Variants in ICE1 observed in about 807,000 individuals in gnomAD.
ICE1 encodes little elongation complex subunit 1.
A neutral mutation model predicts 192.7 loss-of-function variants in ICE1; 64 were observed. That is an observed-to-expected ratio of 0.33 (90% CI 0.27 to 0.41). The LOEUF (loss-of-function observed/expected upper bound fraction) is 0.41, where lower values mean the gene tolerates loss of function less well. Ranked by LOEUF, ICE1 falls within the 10% of genes least tolerant of loss-of-function variation. ICE1 has a pLI of 1.00. For missense variants in ICE1, 2,708 were observed against 2,696.0 expected (o/e 1.00, Z -0.10); for synonymous variants, 1,010 against 984.5 (o/e 1.03, Z -0.49).
At chr5:5,452,849 T>C (rs1738465565) in intron 10 of ICE1, among the ~76,000 whole-genome samples, 3 of 152,188 alleles carry the variant, frequency 2.0e-5, no homozygotes, top group Non-Finnish European at 4.4e-5. Flanking sequence ...AGTCCTTAAA[T>C]ATTCATACAT....
chr5:5,440,341 C>T (rs1738003952), intron 4 of ICE1, among the ~76,000 whole-genome samples: 1 of 152,148 alleles, frequency 6.6e-6, no homozygotes, highest in Non-Finnish European at 1.5e-5. Flanking sequence ...GAAGGCGAAA[C>T]GTGGTTATAA....
In ICE1 at chr5:5,457,692, C is replaced by A; in HGVS notation, c.1052C>A (p.Pro351His). 1.2e-6 allele frequency: 2 copies of A among 1,613,874 alleles called. No homozygotes were observed. Among genetic ancestry groups the A allele is most frequent in the African/African-American group, 1.3e-5 (1 of 75,044 alleles). Residue 351 changes from proline to histidine, a missense_variant, in exon 12 of 19, where the codon CCT becomes CAT. Physicochemically the swap from Pro to His is moderately conservative, Grantham distance 77. Around this residue, in one of 2 missense-constraint regions of ICE1, gnomAD observed 2,366 missense variants for 2,276.6 expected, o/e 1.04. Coordinates refer to ENST00000296564, the MANE Select transcript of ICE1 (RefSeq NM_015325.3). ...PPLLSPVPSP[P>H]PMSSPHPGSL... ...CTTCTGTCACCAGTGCCCTCGCCCC[C>A]TCCGATGTCATCACCTCACCCGGGT... is the stretch of plus-strand genomic sequence containing the variant.
chr5:5,451,168 C>A (rs1385057235), intron 10 of ICE1, among the ~76,000 whole-genome samples: 2 of 152,118 alleles, frequency 1.3e-5, no homozygotes, highest in Admixed American at 6.5e-5. Flanking sequence ...ACACAAAAAA[C>A]CTCTCTTTGG....
At chr5:5,435,196 T>C (rs537296790) in intron 1 of ICE1, among the ~76,000 whole-genome samples, 1 of 152,304 alleles carries the variant, frequency 6.6e-6, no homozygotes, top group Non-Finnish European at 1.5e-5. Context: ...GTTCTGAAAG[T>C]TGAAAGTTAA....
At chr5:5,447,647 C>T (rs548710763) in intron 8 of ICE1, 74 bp from the exon 9 acceptor site, 4 of 1,432,524 alleles carry the variant, frequency 2.8e-6, no homozygotes, top group Non-Finnish European at 3.8e-6. Flanking sequence ...TTAAGTTGCA[C>T]CTGTTTTACA....
chr5:5,427,366 C>CT (rs1240585310), intron 1 of ICE1, among the ~76,000 whole-genome samples: 1 of 152,138 alleles, frequency 6.6e-6, no homozygotes, highest in Admixed American at 6.5e-5. Context: ...TAAGTAAAGT[C>CT]TTAAGTTGTG....
chr5:5,452,183 T>C, intron 10 of ICE1, among the ~76,000 whole-genome samples: 1 of 149,206 alleles, frequency 6.7e-6, no homozygotes, highest in South Asian at 2.1e-4. Context: ...TTTTTTTTTT[T>C]TGTACTGGAG....
chr5:5,469,061 ATTTAG>A, intron 15 of ICE1, 73 bp downstream of exon 15: 1 of 1,087,648 alleles, frequency 9.2e-7, no homozygotes, highest in Non-Finnish European at 1.2e-6. Flanking sequence ...TTTGTTGTGT[ATTTAG>A]TTTTATATTA....
rs1738765426 is a variant in ICE1 at position 5,461,229 on chromosome 5, C to T, written c.1895C>T (p.Ser632Phe). 2.5e-6 allele frequency: 4 copies of T among 1,613,830 alleles called. No individual in the cohort carries two copies. The highest frequency in any genetic ancestry group is 3.4e-6 in the Non-Finnish European group (4 of 1,179,888). Residue 632 changes from serine (S) to phenylalanine (F), a missense_variant, in exon 13 of 19, where the codon TCC becomes TTC. Ser to Phe is a radical substitution (Grantham distance 155). Coordinates refer to ENST00000296564, the MANE Select transcript of ICE1 (RefSeq NM_015325.3). ...CTTGACATTGAAACCAGTTTTTCTT[C>T]CTCTTCTACCTTGGTAGCATTGTCT... ...AGLDIETSFS[S>F]SSTLVALSVG...
Position 5,447,523 on chromosome 5 carries a change from G to A in ICE1, c.507+14G>A, listed in dbSNP as rs1245758057. 1 of 1,532,860 alleles carries A rather than the reference G, an allele frequency of 6.5e-7. No individual in the cohort carries two copies. The highest frequency in any genetic ancestry group is 8.8e-7 in the Non-Finnish European group (1 of 1,130,612). The allele number at this position is 1,532,860 out of a possible 1,614,324, so 95.0% of individuals were successfully genotyped here. On this transcript the variant is annotated intron_variant, in intron 8 of 18. Coordinates refer to ENST00000296564, the MANE Select transcript of ICE1 (RefSeq NM_015325.3). The stretch of plus-strand genomic sequence containing the variant: ...AAGAAGACACAGGTACTAGATAAAA[G>A]CAGCATACACACACCTTAAATACGT...
intron 5 of ICE1, among the ~76,000 whole-genome samples, chr5:5,441,522 A>G (rs143368979): frequency 1.2e-3 from 177 of 152,294 alleles, no homozygotes; most frequent in African/African-American, 4.0e-3. Context: ...TGATTTTTAT[A>G]CCTTTGTTTT....
intron 16 of ICE1, among the ~76,000 whole-genome samples, chr5:5,474,102 C>T (rs1302665931): frequency 9.9e-5 from 15 of 151,228 alleles, no homozygotes; most frequent in Admixed American, 7.3e-4. Context: ...CCCAGTTACT[C>T]GGGAGGCTGA....
chr5:5,438,463 T>A (rs1737943906), intron 3 of ICE1, among the ~76,000 whole-genome samples: 1 of 152,172 alleles, frequency 6.6e-6, no homozygotes, highest in Non-Finnish European at 1.5e-5. Flanking sequence ...ATTGGAAATC[T>A]TCTTATGTGC....
intron 3 of ICE1, chr5:5,437,729 T>A (rs1287159984): frequency 6.6e-6 from 1 of 152,428 alleles, no homozygotes; most frequent in Non-Finnish European, 1.5e-5. Context: ...GGGAAAAAGA[T>A]GTGTATAATT....
intron 15 of ICE1, among the ~76,000 whole-genome samples, chr5:5,472,745 A>G (rs1383196389): frequency 6.6e-6 from 1 of 152,162 alleles, no homozygotes; most frequent in Admixed American, 6.5e-5. Flanking sequence ...CTTTTCTTGT[A>G]TTAAGTATAT....
intron 15 of ICE1, among the ~76,000 whole-genome samples, chr5:5,469,944 CTCCAGAGGGCTGCCAGCT>C (rs1232421742): frequency 1.3e-5 from 2 of 152,158 alleles, no homozygotes; most frequent in Admixed American, 1.3e-4. Flanking sequence ...TATATATCTG[CTCCAGAGGGCTGCCAGCT>C]TCCGGAGAGT....
intron 1 of ICE1, among the ~76,000 whole-genome samples, chr5:5,434,778 T>C (rs573074942): frequency 1.3e-3 from 194 of 152,316 alleles, no homozygotes; most frequent in Admixed American, 1.9e-3. Flanking sequence ...CTACCACCCA[T>C]AGTATGAATT....
At chr5:5,452,910 C>T (rs762584342) in intron 10 of ICE1, among the ~76,000 whole-genome samples, 25 of 152,058 alleles carry the variant, frequency 1.6e-4, no homozygotes, top group Non-Finnish European at 3.1e-4. Context: ...GAAAGTTGTG[C>T]AATTCACTTG....
In ICE1 at chr5:5,464,548, C is replaced by T. The variant is rs375655407; in HGVS notation, c.5214C>T (p.His1738=). 27 of 1,613,582 alleles carry T rather than the reference C, an allele frequency of 1.7e-5. No homozygotes were observed. The highest frequency in any genetic ancestry group is 5.0e-5 in the Admixed American group (3 of 59,956). ...GACTCCCACCCTGTGCATCTGGCCA[C>T]GCTGCTGTGGGAGGGCCTCAGGAGA... ...PGRLPPCASG[H]AAVGGPQENS... Residue 1738 remains histidine (H), a synonymous_variant, in exon 13 of 19, where the codon CAC becomes CAT. Coordinates refer to ENST00000296564, the MANE Select transcript of ICE1 (RefSeq NM_015325.3). This position sits in a 1 kb window ranked among gnomAD's most constrained non-coding sequence, Gnocchi z 4.0.
Sources: allele counts gnomAD v4.1 joint callset (sites outside exome capture counted in the v4.1 genomes callset), GRCh38; gene constraint gnomAD v4.1.1; regional missense constraint gnomAD v4.1.1; non-coding constraint Gnocchi (gnomAD v3.1); transcripts MANE v1.5; gene names NCBI Gene and HGNC (gene_info 2026-07-23, HGNC 2026-07-21).